Variants in NKIRAS1 observed in about 807,000 individuals in gnomAD.
NKIRAS1 encodes NFKB inhibitor interacting Ras like 1, also known as NF-kappa-B inhibitor-interacting Ras-like protein 1.
A neutral mutation model predicts 19.8 loss-of-function variants in NKIRAS1; 16 were observed. The ratio of observed to expected loss-of-function variants is 0.81; its 90% confidence interval spans 0.55 to 1.23. The LOEUF (loss-of-function observed/expected upper bound fraction) is 1.23, where lower values mean the gene tolerates loss of function less well. Among genes scored for constraint, NKIRAS1 ranks in the 50% most tolerant of loss-of-function variants. The pLI, the probability that NKIRAS1 is intolerant of heterozygous loss-of-function variation, is 0.00. For synonymous variants in NKIRAS1, 88 were observed against 79.0 expected (o/e 1.11, Z -0.61); for missense variants, 184 against 220.0 (o/e 0.84, Z 1.04).
In NKIRAS1 at chr3:23,945,511, A is replaced by AGGCGGC. The variant is rs369955272; in HGVS notation, c.-140+806_-140+811dup. On this transcript the variant is annotated intron_variant, in intron 1 of 4. Coordinates refer to the NKIRAS1 transcript ENST00000421515. ...TCCAGCCCGGGGCGGCGCGGCGCTGAGGCGGCGGCGGCGGCGCTGCCCCCT... is the reference window on the plus strand; with the variant it reads ...TCCAGCCCGGGGCGGCGCGGCGCTGAGGCGGCGGCGGCGGCGGCGGCGCTGCCCCCT... The AGGCGGC allele has an allele frequency of 2.0e-3, 1,910 of 932,022 alleles. 19 individuals are homozygous for AGGCGGC. In the African/African-American group the frequency reaches 0.027, roughly 13 times the overall value. 57.7% of individuals were successfully genotyped at this position (932,022 alleles called of 1,614,324 possible).
intron 1 of NKIRAS1, 97 bp downstream of exon 1, chr3:23,916,687 C>A (rs1307105280): frequency 1.3e-5 from 2 of 152,524 alleles, no homozygotes; most frequent in African/African-American, 4.8e-5. Context: ...CAGATTTCTG[C>A]GCCCGTCGTG....
upstream of NKIRAS1, chr3:23,918,131 C>T: frequency 7.0e-7 from 1 of 1,424,736 alleles, no homozygotes; most frequent in Non-Finnish European, 9.5e-7. Flanking sequence ...TCTTTCTTCG[C>T]ATAGGGCTTT....
intron 4 of NKIRAS1, among the ~76,000 whole-genome samples, chr3:23,899,113 G>A (rs1702255032): frequency 6.6e-6 from 1 of 152,150 alleles, no homozygotes; most frequent in African/African-American, 2.4e-5. Flanking sequence ...TAACAATCTT[G>A]AAATGACACA....
rs1172435612 is a variant in NKIRAS1, at chr3:23,893,243, A to T, written c.431T>A (p.Val144Glu). 11 of 1,614,166 alleles carry T rather than the reference A, an allele frequency of 6.8e-6. No homozygotes were observed. The highest frequency in any genetic ancestry group is 9.3e-6 in the Non-Finnish European group (11 of 1,180,022). ...VAQQWAKSEK[V>E]RLWEVTVTDR... ...TGTAACAGTCACCTCCCACAGTCTT[A>T]CTTTCTCACTTTTTGCCCACTGCTG... is the stretch of plus-strand genomic sequence containing the variant. The change falls in exon 5 of 5, where the codon GTA (valine) becomes GAA (glutamate). Residue 144 changes from valine (V) to glutamate (E), a missense_variant. Coordinates refer to ENST00000425478, the MANE Select transcript of NKIRAS1 (RefSeq NM_020345.4).
chr3:23,920,359 C>T, upstream of NKIRAS1: 3 of 985,464 alleles, frequency 3.0e-6, no homozygotes, highest in Non-Finnish European at 2.4e-6. Flanking sequence ...CCATAGGCTA[C>T]AGAAAAAGTC....
chr3:23,890,576 C>T lies in NKIRAS1; in HGVS notation c.*2519G>A. 6.2e-7 allele frequency: 1 copy of T among 1,613,514 alleles called. No homozygotes were observed. The highest frequency in any genetic ancestry group is 8.5e-7 in the Non-Finnish European group (1 of 1,179,752). ...ACAGAGCAGAACATGACAGAATGGC[C>T]AGACAGTGGACCAAGAGATACGCTA... On this transcript the variant is annotated 3_prime_UTR_variant, in exon 5 of 5. Coordinates refer to ENST00000425478, the MANE Select transcript of NKIRAS1 (RefSeq NM_020345.4).
intron 1 of NKIRAS1, among the ~76,000 whole-genome samples, chr3:23,937,350 AAAGAAAAG>A (rs1705415082): frequency 6.6e-6 from 1 of 152,022 alleles, no homozygotes; most frequent in African/African-American, 2.4e-5. Flanking sequence ...AAAAAGAAAA[AAAGAAAAG>A]AAAAAGAAAA....
chr3:23,899,524 C>G (rs1437732847), intron 4 of NKIRAS1, among the ~76,000 whole-genome samples: 1 of 151,954 alleles, frequency 6.6e-6, no homozygotes, highest in African/African-American at 2.4e-5. Context: ...ATCTGGTTTC[C>G]TAGACAATGA....
intron 1 of NKIRAS1, among the ~76,000 whole-genome samples, chr3:23,925,367 C>T (rs1705195253): frequency 6.6e-6 from 1 of 152,164 alleles, no homozygotes; most frequent in South Asian, 2.1e-4. Flanking sequence ...GGCTTGGTGG[C>T]TCACACCTGT....
chr3:23,944,939 C>T (rs1705592158), intron 1 of NKIRAS1, among the ~76,000 whole-genome samples: 2 of 151,888 alleles, frequency 1.3e-5, no homozygotes, highest in African/African-American at 4.8e-5. Context: ...ACCGCTTTGA[C>T]CTAAGAGCCA....
chr3:23,901,107 T>G, intron 3 of NKIRAS1, 58 bp from the exon 4 acceptor site: 1 of 1,576,622 alleles, frequency 6.3e-7, no homozygotes, highest in Non-Finnish European at 8.6e-7. Context: ...CTGCTCCGTA[T>G]TTTCTTGTCC....
chr3:23,945,083 G>A (rs1486831007), intron 1 of NKIRAS1, among the ~76,000 whole-genome samples: 1 of 151,788 alleles, frequency 6.6e-6, no homozygotes, highest in Non-Finnish European at 1.5e-5. Flanking sequence ...CGGCACGGAG[G>A]GGAAAAACGA....
intron 3 of NKIRAS1, among the ~76,000 whole-genome samples, chr3:23,903,552 C>T (rs1702726964): frequency 1.3e-5 from 2 of 152,014 alleles, no homozygotes; most frequent in Non-Finnish European, 2.9e-5. Flanking sequence ...AAACAAAAAA[C>T]TACCTAATCT....
intron 1 of NKIRAS1, among the ~76,000 whole-genome samples, chr3:23,937,356 A>G (rs1252911067): frequency 6.6e-6 from 1 of 152,150 alleles, no homozygotes; most frequent in East Asian, 1.9e-4. Context: ...AAAAAAAGAA[A>G]AGAAAAAGAA....
chr3:23,920,102 T>A, upstream of NKIRAS1: 1 of 985,896 alleles, frequency 1.0e-6, no homozygotes, highest in East Asian at 1.1e-4. Flanking sequence ...GCGATAAAAT[T>A]ATTAGCCTTA....
upstream of NKIRAS1, chr3:23,920,393 ATG>A: frequency 1.0e-6 from 1 of 985,310 alleles, no homozygotes. Context: ...TTCCAACCAT[ATG>A]TGTTTTCTGC....
At chr3:23,940,167 CCAAAAAAA>C (rs1245936417) in intron 1 of NKIRAS1, among the ~76,000 whole-genome samples, 182 of 28,904 alleles carry the variant, frequency 6.3e-3, no homozygotes, top group African/African-American at 0.012. Context: ...CCCATCTCTA[CCAAAAAAA>C]AAAAAAAAAA....
chr3:23,940,763 G>A (rs1705479296), intron 1 of NKIRAS1, among the ~76,000 whole-genome samples: 1 of 152,034 alleles, frequency 6.6e-6, no homozygotes, highest in Admixed American at 6.6e-5. Context: ...ATATTATTGA[G>A]GCAGAATTGT....
chr3:23,901,811 G>A (rs978502289), intron 3 of NKIRAS1, among the ~76,000 whole-genome samples: 7 of 152,192 alleles, frequency 4.6e-5, no homozygotes, highest in Non-Finnish European at 1.0e-4. Flanking sequence ...GGTGGCTCAC[G>A]CCTATAATCC....
Sources: allele counts gnomAD v4.1 joint callset (sites outside exome capture counted in the v4.1 genomes callset), GRCh38; gene constraint gnomAD v4.1.1; transcripts MANE v1.5; gene names NCBI Gene and HGNC (gene_info 2026-07-23, HGNC 2026-07-21).